CCDC60: variants seen among roughly 807,000 people sequenced by gnomAD.
The protein encoded by CCDC60 is coiled-coil domain containing 60, also known as coiled-coil domain-containing protein 60.
In CCDC60, 54 loss-of-function variants were observed where a neutral mutation model predicts 63.5. The ratio of observed to expected loss-of-function variants is 0.85; its 90% CI spans 0.68 to 1.07. The LOEUF (loss-of-function observed/expected upper bound fraction) is 1.07, where lower values mean the gene tolerates loss of function less well. Among genes scored for constraint, CCDC60 ranks in the 50% least tolerant of loss-of-function variants. CCDC60 has a pLI of 0.00. For synonymous variants in CCDC60, 206 were observed against 238.8 expected (o/e 0.86, Z 1.27); for missense variants, 651 against 684.3 (o/e 0.95, Z 0.54).
chr12:119,399,863 A>G (rs959648391), intron 1 of CCDC60, among the ~76,000 whole-genome samples: 20 of 152,156 alleles, frequency 1.3e-4, no homozygotes, highest in African/African-American at 4.6e-4. Flanking sequence ...CATAGTCCAC[A>G]CTAAAACATA....
At chr12:119,380,286 T>C (rs996682920) in intron 1 of CCDC60, among the ~76,000 whole-genome samples, 3 of 152,218 alleles carry the variant, frequency 2.0e-5, no homozygotes, top group African/African-American at 7.2e-5. Flanking sequence ...TTCCAACTCT[T>C]GGTCGGAATT....
intron 1 of CCDC60, among the ~76,000 whole-genome samples, chr12:119,423,059 C>T (rs1490560507): frequency 6.6e-6 from 1 of 152,046 alleles, no homozygotes; most frequent in Non-Finnish European, 1.5e-5. Flanking sequence ...GTATAAAGAC[C>T]TAACAGTATG....
intron 1 of CCDC60, among the ~76,000 whole-genome samples, chr12:119,338,621 T>G (rs1955499373): frequency 6.6e-6 from 1 of 152,214 alleles, no homozygotes; most frequent in African/African-American, 2.4e-5. Flanking sequence ...TTCTGTTCAA[T>G]GTGCCCAGCA....
intron 7 of CCDC60, among the ~76,000 whole-genome samples, chr12:119,509,021 G>A (rs1352499333): frequency 1.3e-5 from 2 of 152,062 alleles, no homozygotes; most frequent in Non-Finnish European, 2.9e-5. Context: ...GGGGTAAATG[G>A]AGCATCTCTC....
At chr12:119,357,612 A>C (rs1192648896) in intron 1 of CCDC60, among the ~76,000 whole-genome samples, 1 of 151,956 alleles carries the variant, frequency 6.6e-6, no homozygotes, top group Non-Finnish European at 1.5e-5. Context: ...GTGCCACCAC[A>C]CCTGGCTAAT....
intron 1 of CCDC60, among the ~76,000 whole-genome samples, chr12:119,353,703 G>A (rs1047635176): frequency 6.9e-6 from 1 of 144,290 alleles, no homozygotes; most frequent in Non-Finnish European, 1.5e-5. Context: ...TGCCTCCAGG[G>A]TTCAAGCAAT....
intron 6 of CCDC60, among the ~76,000 whole-genome samples, chr12:119,502,006 C>T (rs1191001474): frequency 2.0e-5 from 3 of 152,174 alleles, no homozygotes; most frequent in Non-Finnish European, 4.4e-5. Context: ...ATCCAACCAG[C>T]TCCCACAATA....
intron 6 of CCDC60, among the ~76,000 whole-genome samples, chr12:119,502,923 C>T (rs1173568032): frequency 6.6e-6 from 1 of 152,210 alleles, no homozygotes; most frequent in Admixed American, 6.5e-5. Flanking sequence ...GATCCCAGCA[C>T]TTTGGGAGAC....
chr12:119,361,991 G>A (rs895875925), intron 1 of CCDC60, among the ~76,000 whole-genome samples: 2 of 152,134 alleles, frequency 1.3e-5, no homozygotes, highest in Admixed American at 6.5e-5. Flanking sequence ...ACTTTTCAGA[G>A]TAAAATGAGG....
At position 119,505,262 on chromosome 12, in the gene CCDC60, A is replaced by G; in HGVS notation, c.842A>G (p.Glu281Gly). Residue 281 changes from glutamate (E) to glycine (G), a missense_variant, in exon 7 of 14, where the codon GAG becomes GGG. By Grantham distance (98) the Glu-to-Gly change is moderately conservative. Transcript: ENST00000327554. ...AGCAGCAAGGACATTGAGGACAATG[A>G]GTCATCTTCAACCAAGCCAGATGAA... is the stretch of plus-strand genomic sequence containing the variant. ...VTSSKDIEDN[E>G]SSSTKPDEEP... is the part of the protein sequence containing the mutation. The G allele has an allele frequency of 1.9e-6, 3 of 1,612,544 alleles. No homozygotes were observed. The highest frequency in any genetic ancestry group is 1.7e-5 in the Admixed American group (1 of 60,020).
At chr12:119,400,752 T>G (rs150415488) in intron 1 of CCDC60, among the ~76,000 whole-genome samples, 24 of 152,362 alleles carry the variant, frequency 1.6e-4, no homozygotes, top group African/African-American at 5.5e-4. Flanking sequence ...CATTGGTTCA[T>G]GGACCACGGC....
chr12:119,347,623 C>T (rs1955610624), intron 1 of CCDC60, among the ~76,000 whole-genome samples: 1 of 152,044 alleles, frequency 6.6e-6, no homozygotes, highest in African/African-American at 2.4e-5. Flanking sequence ...GCAACACATT[C>T]CTTAGGCAAC....
At chr12:119,529,455 A>C (rs545835523) in intron 12 of CCDC60, among the ~76,000 whole-genome samples, 1 of 152,244 alleles carries the variant, frequency 6.6e-6, no homozygotes, top group African/African-American at 2.4e-5. Context: ...TGCAATACAG[A>C]ATTGGAATCT....
intron 7 of CCDC60, among the ~76,000 whole-genome samples, chr12:119,509,337 G>T (rs533159046): frequency 6.6e-6 from 1 of 152,174 alleles, no homozygotes; most frequent in South Asian, 2.1e-4. Flanking sequence ...AGATATGGCA[G>T]CTCACACTCG....
intron 5 of CCDC60, 59 bp from the exon 6 acceptor site, chr12:119,500,019 A>G: frequency 8.6e-7 from 1 of 1,166,280 alleles, no homozygotes; most frequent in Non-Finnish European, 1.3e-6. Context: ...TTCTTAAAAG[A>G]ACTTGTAATA....
At chr12:119,446,162 GTC>G (rs1363509706) in intron 2 of CCDC60, among the ~76,000 whole-genome samples, 2 of 151,912 alleles carry the variant, frequency 1.3e-5, no homozygotes, top group Admixed American at 1.3e-4. Context: ...TTGCAAGACA[GTC>G]TCAAAAAAAA....
intron 2 of CCDC60, among the ~76,000 whole-genome samples, chr12:119,464,125 T>G (rs1950908619): frequency 7.0e-6 from 1 of 143,612 alleles, no homozygotes; most frequent in African/African-American, 2.7e-5. Context: ...AAGAACTTTA[T>G]TCAAACACTT....
At chr12:119,476,789 A>G (rs1163665138) in intron 3 of CCDC60, among the ~76,000 whole-genome samples, 1 of 151,264 alleles carries the variant, frequency 6.6e-6, no homozygotes, top group Non-Finnish European at 1.5e-5. Flanking sequence ...ACCCAGCCAC[A>G]CTCTCCTACT....
At chr12:119,425,096 G>A (rs1956878662) in intron 1 of CCDC60, among the ~76,000 whole-genome samples, 1 of 152,160 alleles carries the variant, frequency 6.6e-6, no homozygotes, top group Non-Finnish European at 1.5e-5. Flanking sequence ...TAGGAGAGTG[G>A]TACAGACATG....
Sources: gnomAD v4.1 joint callset for allele counts (sites outside exome capture counted in the v4.1 genomes callset) on GRCh38, gnomAD v4.1.1 for gene constraint, MANE v1.5 for transcripts, NCBI Gene and HGNC (gene_info 2026-07-23, HGNC 2026-07-21) for gene names.